The following ETFA variants were observed in gnomAD, a reference collection of about 807,000 sequenced individuals.
The protein encoded by ETFA is electron transfer flavoprotein subunit alpha.
ETFA carries 22 observed loss-of-function variants against 46.2 expected under a neutral mutation model. The observed-to-expected ratio is 0.48, with a 90% CI of 0.34 to 0.68. The LOEUF is 0.68. Ranked by LOEUF, ETFA falls within the 30% of genes least tolerant of loss-of-function variation. The pLI, the probability that ETFA is intolerant of heterozygous loss-of-function variation, is 0.01. For missense variants in ETFA, 345 were observed against 401.1 expected (o/e 0.86, Z 1.19); for synonymous variants, 131 against 139.9 (o/e 0.94, Z 0.45).
At chr15:76,292,292 A>G in intron 4 of ETFA, 139 bp downstream of exon 4, 1 of 712,032 alleles carries the variant, frequency 1.4e-6, no homozygotes. Flanking sequence ...TCTTGAAAGA[A>G]TAAATTTTAG....
intron 9 of ETFA, among the ~76,000 whole-genome samples, chr15:76,245,060 G>C (rs575561604): frequency 5.9e-5 from 9 of 152,282 alleles, no homozygotes; most frequent in Non-Finnish European, 1.2e-4. Flanking sequence ...TGGCAATTAA[G>C]TTTTTAACTA....
intron 5 of ETFA, 108 bp downstream of exon 5, chr15:76,287,738 C>T: frequency 1.2e-6 from 1 of 845,470 alleles, no homozygotes; most frequent in East Asian, 2.8e-5. Flanking sequence ...TTAAGATGGT[C>T]CACTTAAAGC....
rs1054283761 is a variant in ETFA at position 76,220,205 on chromosome 15, T to A, written c.964-3608A>T. 3.3e-5 allele frequency among the ~76,000 whole-genome samples: 5 copies of A among 152,380 alleles called. No homozygotes were observed. The South Asian group carries it at 8.3e-4, about 25-fold the overall frequency. ...TCTCAGCCTCCCGAGTAGCTGGGGC[T>A]ATAGGTGCGTGCCACCATGCCTAGC... On this transcript the variant is annotated intron_variant, in intron 11 of 11. Coordinates refer to ENST00000557943, the MANE Select transcript of ETFA (RefSeq NM_000126.4).
intron 9 of ETFA, among the ~76,000 whole-genome samples, chr15:76,256,607 T>A (rs1340798171): frequency 6.6e-6 from 1 of 152,192 alleles, no homozygotes. Flanking sequence ...TAAGTGAAAA[T>A]CAAAATTCTA....
At chr15:76,281,097 T>C (rs993238001) in intron 8 of ETFA, among the ~76,000 whole-genome samples, 3 of 152,058 alleles carry the variant, frequency 2.0e-5, no homozygotes, top group African/African-American at 7.2e-5. Context: ...GTATTTTTAG[T>C]AGAGGTGGGG....
At chr15:76,257,953 G>C (rs976272424) in intron 9 of ETFA, among the ~76,000 whole-genome samples, 1 of 147,194 alleles carries the variant, frequency 6.8e-6, no homozygotes, top group African/African-American at 2.5e-5. Context: ...CTCACTCATA[G>C]GTGGGAATCA....
At chr15:76,241,803 A>G (rs1419169226) in intron 9 of ETFA, among the ~76,000 whole-genome samples, 4 of 52,814 alleles carry the variant, frequency 7.6e-5, no homozygotes, top group Non-Finnish European at 2.3e-4. Flanking sequence ...CTCCATCTCA[A>G]AAAAAAAAAA....
intron 9 of ETFA, among the ~76,000 whole-genome samples, chr15:76,269,690 C>G (rs1286975507): frequency 6.6e-6 from 1 of 152,120 alleles, no homozygotes; most frequent in African/African-American, 2.4e-5. Context: ...AAAAAGCTAT[C>G]CAATCATCTT....
chr15:76,295,936 C>CTTTTTTTTTTTTTTTTTTTTTTTT lies in ETFA; in HGVS notation c.40-200_40-199insAAAAAAAAAAAAAAAAAAAAAAAA, dbSNP rs1157687784. Among the ~76,000 whole-genome samples the CTTTTTTTTTTTTTTTTTTTTTTTT allele has an allele frequency of 5.6e-3, 259 of 46,602 alleles. 76 individuals are homozygous for CTTTTTTTTTTTTTTTTTTTTTTTT. Among genetic ancestry groups the CTTTTTTTTTTTTTTTTTTTTTTTT allele is most frequent in the Admixed American group, 8.9e-3 (22 of 2,472 alleles). 30.6% of individuals were successfully genotyped at this position (46,602 alleles called of 152,430 possible). On this transcript the variant is annotated intron_variant, in intron 1 of 11. Coordinates refer to ENST00000557943, the MANE Select transcript of ETFA (RefSeq NM_000126.4). Reference sequence around the variant, plus strand: ...TGTCTATCACTGTACCACTAATATTCTTTTTTTTTTTTTTTTTTTTTTTGA... The same window carrying CTTTTTTTTTTTTTTTTTTTTTTTT: ...TGTCTATCACTGTACCACTAATATTCTTTTTTTTTTTTTTTTTTTTTTTTTTTTTTTTTTTTTTTTTTTTTTTGA...
chr15:76,285,569 T>C (rs1234418691), intron 7 of ETFA, 68 bp downstream of exon 7: 1 of 901,216 alleles, frequency 1.1e-6, no homozygotes, highest in Non-Finnish European at 1.8e-6. Context: ...CTAAAATAAA[T>C]ACTAAAAATA....
At chr15:76,242,657 T>C (rs1382668802) in intron 9 of ETFA, among the ~76,000 whole-genome samples, 1 of 152,156 alleles carries the variant, frequency 6.6e-6, no homozygotes, top group African/African-American at 2.4e-5. Flanking sequence ...TAAGTACCCA[T>C]TGACAGATGA....
rs531560128 is a variant in ETFA at position 76,258,123 on chromosome 15, A to G, written c.816+16289T>C. 3.9e-5 allele frequency among the ~76,000 whole-genome samples: 6 copies of G among 152,096 alleles called. No homozygotes were observed. In the South Asian group the frequency reaches 1.2e-3, roughly 32 times the overall value. ...CAGCATGGCACATGTATACATATGT[A>G]ACTAAATTGCACATTGTGCACATGT... On this transcript the variant is annotated intron_variant, in intron 9 of 11. Transcript: ENST00000557943.
intron 9 of ETFA, among the ~76,000 whole-genome samples, chr15:76,239,585 A>G (rs2039164155): frequency 6.6e-6 from 1 of 152,084 alleles, no homozygotes; most frequent in Non-Finnish European, 1.5e-5. Flanking sequence ...TACTCTCAAA[A>G]GGCAGGCTTC....
At chr15:76,248,006 A>G (rs1015034556) in intron 9 of ETFA, among the ~76,000 whole-genome samples, 4 of 152,250 alleles carry the variant, frequency 2.6e-5, no homozygotes, top group Non-Finnish European at 4.4e-5. Flanking sequence ...CTACATCTGG[A>G]TAATGAGTTA....
At chr15:76,260,513 A>C in intron 9 of ETFA, 1 of 1,500,624 alleles carries the variant, frequency 6.7e-7, no homozygotes, top group Non-Finnish European at 9.2e-7. Context: ...AGCCAACTGC[A>C]CTGGAGACAC....
chr15:76,304,021 G>A (rs1376854720), intron 1 of ETFA, among the ~76,000 whole-genome samples: 1 of 152,194 alleles, frequency 6.6e-6, no homozygotes, highest in East Asian at 1.9e-4. Flanking sequence ...CAGTAGCAAA[G>A]ACATGGAATC....
At chr15:76,272,805 A>AATACATACATATAT (rs2039551383) in intron 9 of ETFA, among the ~76,000 whole-genome samples, 1 of 78,498 alleles carries the variant, frequency 1.3e-5, no homozygotes, top group Non-Finnish European at 3.0e-5. Flanking sequence ...TGTCTCTTAA[A>AATACATACATATAT]ATATATACAT....
At chr15:76,302,298 A>C (rs1409212782) in intron 1 of ETFA, among the ~76,000 whole-genome samples, 4 of 152,214 alleles carry the variant, frequency 2.6e-5, no homozygotes, top group Admixed American at 6.5e-5. Flanking sequence ...CAGTAAGTGA[A>C]TAAATATTCA....
intron 9 of ETFA, among the ~76,000 whole-genome samples, chr15:76,254,389 T>C (rs1376063440): frequency 6.6e-6 from 1 of 152,150 alleles, no homozygotes; most frequent in Non-Finnish European, 1.5e-5. Flanking sequence ...GGAGATTGAG[T>C]CTGGAATTTG....
Sources: allele counts gnomAD v4.1 joint callset (sites outside exome capture counted in the v4.1 genomes callset), GRCh38; gene constraint gnomAD v4.1.1; transcripts MANE v1.5; gene names NCBI Gene and HGNC (gene_info 2026-07-23, HGNC 2026-07-21).